Variants in ATAD2 observed in about 807,000 individuals in gnomAD.
ATAD2 encodes the protein ATPase family AAA domain-containing protein 2.
Under a neutral mutation model 168.9 loss-of-function variants are expected in ATAD2, and 62 were observed. That is an observed-to-expected ratio of 0.37 (90% CI 0.30 to 0.45). ATAD2 has a LOEUF of 0.45. ATAD2 is among the 20% of genes least tolerant of loss of function. The pLI is 1.00. For synonymous variants in ATAD2, 613 were observed against 571.6 expected (o/e 1.07, Z -1.03); for missense variants, 1,419 against 1,667.8 (o/e 0.85, Z 2.60).
intron 24 of ATAD2, among the ~76,000 whole-genome samples, chr8:123,332,821 G>T (rs1334694212): frequency 7.2e-6 from 1 of 138,692 alleles, no homozygotes; most frequent in Non-Finnish European, 1.6e-5. Context: ...TCTATCAAAC[G>T]ATTGTTTTAA....
intron 3 of ATAD2, 85 bp downstream of exon 3, chr8:123,372,552 A>C: frequency 9.6e-7 from 1 of 1,046,418 alleles, no homozygotes; most frequent in African/African-American, 1.6e-5. Flanking sequence ...AAACATGTAA[A>C]ATTTATTGTA....
Position 123,337,718 on chromosome 8 carries a change from A to G in ATAD2, c.2958T>C (p.Phe986=). ...KRLEEQEEDT[F]RELRIFLRNV... ...TTCTTAAGAAAATCCTCAGTTCTCT[A>G]AATGTATCTTCTTCTTGTTCTTCTA... The change falls in exon 21 of 28, where the codon TTT becomes TTC. Residue 986 remains phenylalanine (F), a synonymous_variant. Transcript: ENST00000287394. The G allele has an allele frequency of 6.2e-7, 1 of 1,613,902 alleles. No individual in the cohort carries two copies. The highest frequency in any genetic ancestry group is 8.5e-7 in the Non-Finnish European group (1 of 1,179,920).
chr8:123,321,430 G>T (rs1001540716), intron 27 of ATAD2, among the ~76,000 whole-genome samples: 1 of 150,804 alleles, frequency 6.6e-6, no homozygotes, highest in African/African-American at 2.4e-5. Context: ...ATTAATCAAG[G>T]TACTGATGTA....
rs371868077 is a variant in ATAD2, at chr8:123,396,396, G to A, written c.-39C>T. On this transcript the variant is annotated 5_prime_UTR_variant, in exon 1 of 28. Coordinates refer to ENST00000287394, the MANE Select transcript of ATAD2 (RefSeq NM_014109.4). ...TGGCCTCGGCGTGCGCGACCGGAGA[G>A]AGATCCAGCTCCAGGCGCTCGCAGC... 3.9e-6 allele frequency: 6 copies of A among 1,523,090 alleles called. No homozygotes were observed. Among genetic ancestry groups the A allele is most frequent in the South Asian group, 2.4e-5 (2 of 82,672 alleles). 94.3% of individuals were successfully genotyped at this position (1,523,090 alleles called of 1,614,324 possible). A position where few individuals can be genotyped will look rare whatever the true frequency, so the allele number is the denominator to read the frequency against.
At chr8:123,406,270 G>C (rs1267470053) in intron 1 of ATAD2, among the ~76,000 whole-genome samples, 1 of 151,600 alleles carries the variant, frequency 6.6e-6, no homozygotes, top group African/African-American at 2.4e-5. Flanking sequence ...CCAGCTACTT[G>C]GGAGGCTGAG....
intron 19 of ATAD2, among the ~76,000 whole-genome samples, chr8:123,341,439 T>C (rs982590870): frequency 6.6e-6 from 1 of 152,202 alleles, no homozygotes; most frequent in Non-Finnish European, 1.5e-5. Flanking sequence ...TTTCAGTTGA[T>C]AGAATAAGAA....
intron 1 of ATAD2, among the ~76,000 whole-genome samples, chr8:123,392,821 TAC>T (rs1446518118): frequency 1.3e-5 from 2 of 152,130 alleles, no homozygotes; most frequent in African/African-American, 2.4e-5. Context: ...CTTCCAAACT[TAC>T]AGACTTTTAC....
At chr8:123,325,641 G>A (rs192556284) in intron 26 of ATAD2, among the ~76,000 whole-genome samples, 1,613 of 150,570 alleles carry the variant, frequency 0.011, 17 homozygotes, top group Non-Finnish European at 0.015. Flanking sequence ...GGCTGGTCTC[G>A]AACTCCTGAC....
intron 5 of ATAD2, 98 bp downstream of exon 5, chr8:123,371,138 T>C: frequency 1.8e-6 from 2 of 1,135,612 alleles, no homozygotes; most frequent in Non-Finnish European, 2.5e-6. Context: ...ATCAAATAAA[T>C]GCTGGAAAAA....
chr8:123,401,565 A>G (rs1325942569), intron 1 of ATAD2: 1 of 1,480,260 alleles, frequency 6.8e-7, no homozygotes, highest in African/African-American at 1.4e-5. Flanking sequence ...CTCCCTCTGC[A>G]TCACCCAGGA....
At chr8:123,331,152 G>A (rs999275762) in intron 24 of ATAD2, among the ~76,000 whole-genome samples, 1 of 151,962 alleles carries the variant, frequency 6.6e-6, no homozygotes, top group African/African-American at 2.4e-5. Context: ...TGTTGGCCAC[G>A]CTGGTCTTGA....
intron 25 of ATAD2, among the ~76,000 whole-genome samples, chr8:123,326,519 G>GA (rs940159310): frequency 3.3e-5 from 5 of 150,246 alleles, no homozygotes; most frequent in East Asian, 2.0e-4. Flanking sequence ...AAAAAAAAAA[G>GA]AAAAAAAAAT....
intron 3 of ATAD2, 52 bp downstream of exon 3, chr8:123,372,585 C>T: frequency 7.3e-7 from 1 of 1,378,890 alleles, no homozygotes; most frequent in African/African-American, 1.5e-5. Context: ...AACCTGTAAA[C>T]AGAATATTAA....
At chr8:123,364,507 T>C (rs993914117) in intron 8 of ATAD2, among the ~76,000 whole-genome samples, 1 of 152,146 alleles carries the variant, frequency 6.6e-6, no homozygotes. Flanking sequence ...CCTGCGAACA[T>C]AGATGCTAAA....
chr8:123,359,681 G>C lies in ATAD2; in HGVS notation c.1162C>G (p.Leu388Val). Residue 388 changes from leucine to valine, a missense_variant, in exon 10 of 28, where the codon CTC becomes GTC. Physicochemically the swap from Leu to Val is conservative, Grantham distance 32. Around this residue, in one of 5 missense-constraint regions of ATAD2, gnomAD observed 146 missense variants for 188.3 expected, o/e 0.78. Coordinates refer to ENST00000287394, the MANE Select transcript of ATAD2 (RefSeq NM_014109.4). ...TCATCTTTCCGAAAATTTAGTGGGA[G>C]GCACCTATTTAAAAAGATTTTTTAA... ...RSRNRAINRC[L>V]PLNFRKDELK... The C allele has an allele frequency of 6.2e-7, 1 of 1,608,724 alleles. No individual in the cohort carries two copies. The highest frequency in any genetic ancestry group is 1.3e-5 in the African/African-American group (1 of 74,602).
chr8:123,406,338 C>A (rs1036946942), intron 1 of ATAD2, among the ~76,000 whole-genome samples: 2 of 142,736 alleles, frequency 1.4e-5, no homozygotes, highest in African/African-American at 5.3e-5. Context: ...GAAGATCACA[C>A]CACTGCACTC....
intron 24 of ATAD2, among the ~76,000 whole-genome samples, chr8:123,331,426 G>T (rs1827771528): frequency 6.6e-6 from 1 of 151,916 alleles, no homozygotes; most frequent in African/African-American, 2.4e-5. Flanking sequence ...TTTTAGTAGA[G>T]ACGGGGTTTC....
chr8:123,383,520 C>T (rs1360110430), intron 1 of ATAD2, among the ~76,000 whole-genome samples: 1 of 152,094 alleles, frequency 6.6e-6, no homozygotes, highest in East Asian at 1.9e-4. Flanking sequence ...GCCTGTAATC[C>T]CAGGACTTTG....
At chr8:123,398,214 G>A (rs1291796098), upstream of ATAD2, among the ~76,000 whole-genome samples, 1 of 150,198 alleles carries the variant, frequency 6.7e-6, no homozygotes, top group Non-Finnish European at 1.5e-5. Context: ...TTTTTTGAGA[G>A]AGGTTCTTGT....
Sources: gnomAD v4.1 joint callset for allele counts (sites outside exome capture counted in the v4.1 genomes callset) on GRCh38, gnomAD v4.1.1 for gene constraint, gnomAD v4.1.1 regional missense constraint, MANE v1.5 for transcripts, NCBI Gene and HGNC (gene_info 2026-07-23, HGNC 2026-07-21) for gene names.